Variants in EP400 observed in about 807,000 individuals in gnomAD.
The protein encoded by EP400 is E1A-binding protein p400.
In EP400, 105 loss-of-function variants were observed where a neutral mutation model predicts 354.1. The ratio of observed to expected loss-of-function variants is 0.30; its 90% confidence interval spans 0.25 to 0.35. EP400 has a LOEUF of 0.35. EP400 is among the 10% of genes least tolerant of loss of function. The probability of loss-of-function intolerance (pLI) is 1.00; values close to 1 mark genes in which losing one functional copy is unlikely to be tolerated. For synonymous variants in EP400, 1,646 were observed against 1,716.9 expected (o/e 0.96, Z 1.02); for missense variants, 3,280 against 4,121.0 (o/e 0.80, Z 5.59).
At chr12:131,981,419 A>G (rs1892677030) in intron 3 of EP400, 70 bp from the exon 4 acceptor site, 18 of 1,252,462 alleles carry the variant, frequency 1.4e-5, no homozygotes, top group African/African-American at 1.5e-5. Flanking sequence ...AAAAACACAC[A>G]TGTTTTTTTC....
At position 131,986,545 on chromosome 12, in the gene EP400, C is replaced by G; in HGVS notation, c.1961C>G (p.Pro654Arg). The part of the protein sequence containing the change: ...MVASTRLPVD[P>R]APPCPRPLPT... ...GCATCGACAAGGCTCCCTGTGGACC[C>G]TGCCCCGCCCTGCCCACGGCCTCTG... The change falls in exon 6 of 53, where the codon CCT becomes CGT. Residue 654 changes from proline to arginine, a missense_variant. Transcript: ENST00000389561. 1 of 1,611,558 alleles carries G rather than the reference C, an allele frequency of 6.2e-7. No individual in the cohort carries two copies. Among genetic ancestry groups the G allele is most frequent in the South Asian group, 1.1e-5 (1 of 90,712 alleles).
intron 1 of EP400, among the ~76,000 whole-genome samples, chr12:131,951,163 C>T (rs1277813097): frequency 6.6e-6 from 1 of 151,062 alleles, no homozygotes; most frequent in East Asian, 1.9e-4. Flanking sequence ...TGATCCGCCC[C>T]CTTGGCCTCC....
At chr12:131,968,004 T>G (rs1892160302) in intron 2 of EP400, among the ~76,000 whole-genome samples, 1 of 152,216 alleles carries the variant, frequency 6.6e-6, no homozygotes, top group African/African-American at 2.4e-5. Context: ...ATGGACATGT[T>G]TTTTGTCAGC....
chr12:131,990,545 C>T lies in EP400; in HGVS notation c.2551-91C>T, dbSNP rs1037417396. 5 of 958,036 alleles carry T rather than the reference C, an allele frequency of 5.2e-6. No homozygotes were observed. The African/African-American group carries it at 8.2e-5, about 16-fold the overall frequency. The allele number at this position is 958,036 out of a possible 1,614,324, so 59.3% of individuals were successfully genotyped here. On this transcript the variant is annotated intron_variant, in intron 8 of 52. Coordinates refer to ENST00000389561, the MANE Select transcript of EP400 (RefSeq NM_015409.5). This position sits in a 1 kb window ranked among gnomAD's most constrained non-coding sequence, Gnocchi z 4.2. Reference sequence around the variant, plus strand: ...GAGGCTGGAAAACACTGTTTTCAGACTCTGCTTATGTGCTTTAGTGTTTTG... The same window carrying T: ...GAGGCTGGAAAACACTGTTTTCAGATTCTGCTTATGTGCTTTAGTGTTTTG...
At chr12:132,062,914 T>C (rs1462482621) in intron 47 of EP400, among the ~76,000 whole-genome samples, 1 of 152,242 alleles carries the variant, frequency 6.6e-6, no homozygotes, top group Non-Finnish European at 1.5e-5. Flanking sequence ...TTACAGCTTA[T>C]TCAGAGCACT....
chr12:132,053,135 C>CT lies in EP400; in HGVS notation c.7395-10dup, dbSNP rs1334918559. 1.2e-6 allele frequency: 2 copies of CT among 1,613,892 alleles called. No homozygotes were observed. Among genetic ancestry groups the CT allele is most frequent in the Admixed American group, 3.3e-5 (2 of 60,002 alleles). ...GCCTGTATGTTTTTAACCTTTGCGT[C>CT]TGTCTTTCAGTGGAATCAACTATGA... On this transcript the variant is annotated splice_polypyrimidine_tract_variant and intron_variant, in intron 41 of 52. Transcript: ENST00000389561.
At position 132,070,431 on chromosome 12, in the gene EP400, T is replaced by C. The variant is rs1441685004; in HGVS notation, c.9021+790T>C. ...AGATCCTGTGGGGAAGTTCAGGGCTTCTTGTCTCAGAGGCCATGCTGGTCC... is the reference window on the plus strand; with the variant it reads ...AGATCCTGTGGGGAAGTTCAGGGCTCCTTGTCTCAGAGGCCATGCTGGTCC... On this transcript the variant is annotated intron_variant, in intron 51 of 52. Coordinates refer to ENST00000389561, the MANE Select transcript of EP400 (RefSeq NM_015409.5). The surrounding 1 kb of genome is among the most constrained non-coding windows in gnomAD (Gnocchi z 4.1). 6.6e-6 allele frequency among the ~76,000 whole-genome samples: 1 copy of C among 152,230 alleles called. No homozygotes were observed. Among genetic ancestry groups the C allele is most frequent in the Non-Finnish European group, 1.5e-5 (1 of 68,044 alleles).
At chr12:132,046,649 TG>T (rs1375827206) in intron 39 of EP400, among the ~76,000 whole-genome samples, 1 of 152,228 alleles carries the variant, frequency 6.6e-6, no homozygotes, top group Non-Finnish European at 1.5e-5. Flanking sequence ...TCCAGGCGGC[TG>T]GTCAGTAACA....
At chr12:131,976,423 G>T (rs77071556) in intron 2 of EP400, among the ~76,000 whole-genome samples, 2 of 152,018 alleles carry the variant, frequency 1.3e-5, no homozygotes, top group African/African-American at 2.4e-5. Flanking sequence ...AATTAAAAAT[G>T]CACACTCTGG....
intron 39 of EP400, among the ~76,000 whole-genome samples, chr12:132,048,289 T>C (rs1332333427): frequency 6.6e-6 from 1 of 152,156 alleles, no homozygotes; most frequent in Non-Finnish European, 1.5e-5. Context: ...CTTCACAATT[T>C]ATGTTTAGAG....
chr12:132,065,002 CT>C, intron 48 of EP400, 116 bp downstream of exon 48: 1 of 1,462,962 alleles, frequency 6.8e-7, no homozygotes, highest in South Asian at 1.4e-5. Context: ...GAGACGGGTT[CT>C]TTTCCCCGAG....
At position 132,013,247 on chromosome 12, in the gene EP400, C is replaced by G. The variant is rs1012691389; in HGVS notation, c.3611+69C>G. ...ATGTAGAAGATTCTCTTGAAGAAAT[C>G]TGCATAATTGCAGACACAAACAATG... On this transcript the variant is annotated intron_variant, in intron 17 of 52. Coordinates refer to ENST00000389561, the MANE Select transcript of EP400 (RefSeq NM_015409.5). The surrounding 1 kb of genome is among the most constrained non-coding windows in gnomAD (Gnocchi z 4.5). 5.4e-5 allele frequency: 82 copies of G among 1,524,416 alleles called. No individual in the cohort carries two copies. The highest frequency in any genetic ancestry group is 7.1e-5 in the Non-Finnish European group (80 of 1,131,940). The allele number at this position is 1,524,416 out of a possible 1,614,324, so 94.4% of individuals were successfully genotyped here. A position where few individuals can be genotyped will look rare whatever the true frequency, so the allele number is the denominator to read the frequency against.
intron 2 of EP400, among the ~76,000 whole-genome samples, chr12:131,975,948 G>A (rs549328567): frequency 3.7e-4 from 57 of 152,180 alleles, no homozygotes; most frequent in African/African-American, 1.3e-3. Flanking sequence ...CAGTCCTCTT[G>A]CCTTGACCTC....
rs763911184 is a variant in EP400, at chr12:131,960,974, T to C, written c.355T>C (p.Ser119Pro). ...QPRRFEHGSP[S>P]YIQVTSPLSQ... ...TCGGCGGTTTGAGCATGGGTCTCCATCATACATTCAGGTCACGTCCCCCTT... is the reference window on the plus strand; with the variant it reads ...TCGGCGGTTTGAGCATGGGTCTCCACCATACATTCAGGTCACGTCCCCCTT... Residue 119 changes from serine (S) to proline (P), a missense_variant, in exon 2 of 53, where the codon TCA (serine) becomes CCA (proline). This residue lies in a region of EP400 where 172 missense variants were observed against 242.9 expected (regional missense o/e 0.71). Transcript: ENST00000389561. 5 of 1,609,276 alleles carry C rather than the reference T, an allele frequency of 3.1e-6. No individual in the cohort carries two copies. The South Asian group carries it at 4.4e-5, about 14-fold the overall frequency.
chr12:131,978,724 GC>G (rs934599951), intron 2 of EP400, among the ~76,000 whole-genome samples: 2 of 151,974 alleles, frequency 1.3e-5, no homozygotes, highest in Admixed American at 6.6e-5. Flanking sequence ...TGTTGCCCAG[GC>G]TGGTTTTGAA....
At chr12:131,962,667 A>T (rs1235718260) in intron 2 of EP400, among the ~76,000 whole-genome samples, 1 of 152,212 alleles carries the variant, frequency 6.6e-6, no homozygotes, top group Non-Finnish European at 1.5e-5. Flanking sequence ...GGGTGCCTGG[A>T]ATGGCACATA....
At chr12:132,073,548 T>C (rs919689125) in intron 51 of EP400, among the ~76,000 whole-genome samples, 2 of 148,606 alleles carry the variant, frequency 1.3e-5, no homozygotes, top group African/African-American at 5.1e-5. Context: ...CCGCCTCCTG[T>C]GTTCAAGCGA....
chr12:132,000,040 T>C (rs569147675), intron 12 of EP400, among the ~76,000 whole-genome samples: 1 of 151,924 alleles, frequency 6.6e-6, no homozygotes, highest in African/African-American at 2.4e-5. Context: ...CTGCTCGTAG[T>C]ATTTCTTTTT....
At chr12:131,997,790 A>C (rs1387036839) in intron 12 of EP400, among the ~76,000 whole-genome samples, 1 of 152,154 alleles carries the variant, frequency 6.6e-6, no homozygotes, top group Non-Finnish European at 1.5e-5. Flanking sequence ...TAAAATCTGC[A>C]TGGAAGAGGA....
Sources: gnomAD v4.1 joint callset for allele counts (sites outside exome capture counted in the v4.1 genomes callset) on GRCh38, gnomAD v4.1.1 for gene constraint, gnomAD v4.1.1 regional missense constraint, Gnocchi (gnomAD v3.1) non-coding constraint, MANE v1.5 for transcripts, NCBI Gene and HGNC (gene_info 2026-07-23, HGNC 2026-07-21) for gene names.